Variants in CDH13 observed in about 807,000 individuals in gnomAD.
The protein encoded by CDH13 is cadherin 13.
In CDH13, 24 loss-of-function variants were observed where a neutral mutation model predicts 63.8. That is an observed-to-expected ratio of 0.38 (90% confidence interval 0.27 to 0.53). The LOEUF (loss-of-function observed/expected upper bound fraction) is 0.53. Among genes scored for constraint, CDH13 ranks in the 20% least tolerant of loss-of-function variants. The pLI is 0.85. For missense variants in CDH13, 1,049 were observed against 903.1 expected, an observed-to-expected ratio of 1.16 and a Z score of -2.07; for synonymous variants, 503 against 355.3, an observed-to-expected ratio of 1.42 and a Z score of -4.67.
At chr16:82,728,787 C>G (rs2033240666) in intron 1 of CDH13, among the ~76,000 whole-genome samples, 1 of 152,172 alleles carries the variant, frequency 6.6e-6, no homozygotes, top group South Asian at 2.1e-4. Context: ...TTTTGTATAG[C>G]ATGTGATGCT....
chr16:82,942,497 A>G (rs1482919674), intron 2 of CDH13, among the ~76,000 whole-genome samples: 1 of 152,158 alleles, frequency 6.6e-6, no homozygotes, highest in Non-Finnish European at 1.5e-5. Flanking sequence ...GATTTGACCT[A>G]AGGGAAGAGG....
chr16:82,782,855 A>G (rs1396158173), intron 1 of CDH13, among the ~76,000 whole-genome samples: 3 of 152,066 alleles, frequency 2.0e-5, no homozygotes, highest in African/African-American at 7.2e-5. Context: ...AGTTCTGCGC[A>G]GGGGCCTGGG....
intron 6 of CDH13, among the ~76,000 whole-genome samples, chr16:83,424,050 C>T (rs1228851073): frequency 2.0e-5 from 3 of 151,936 alleles, no homozygotes; most frequent in African/African-American, 7.3e-5. Context: ...CCAACACGTA[C>T]TGAACAGTCT....
intron 2 of CDH13, among the ~76,000 whole-genome samples, chr16:83,014,702 G>C (rs1455665102): frequency 3.0e-5 from 4 of 134,634 alleles, no homozygotes; most frequent in South Asian, 4.6e-4. Flanking sequence ...CTGCACTCCA[G>C]CTTGGGCAAC....
At chr16:83,334,082 T>C (rs1347630827) in intron 5 of CDH13, among the ~76,000 whole-genome samples, 3 of 152,028 alleles carry the variant, frequency 2.0e-5, no homozygotes, top group Non-Finnish European at 4.4e-5. Flanking sequence ...CCACGCACAT[T>C]CCTGGCCTCA....
At position 83,780,018 on chromosome 16, in the gene CDH13, G is replaced by A. The variant is rs763580458; in HGVS notation, c.1732G>A (p.Val578Met). The stretch of plus-strand genomic sequence containing the variant: ...GACTTTGCTGATAACCCTGGAGGAC[G>A]TGAATGACAATGCCCCGTTCATTTA... ...TGTLLITLEDVNDNAPFIYPT... is the reference protein window; with the variant it reads ...TGTLLITLEDMNDNAPFIYPT... Residue 578 changes from valine to methionine, a missense_variant, in exon 12 of 14, where the codon GTG (valine) becomes ATG (methionine). Val to Met is a conservative substitution (Grantham distance 21). Transcript: ENST00000567109. The A allele has an allele frequency of 1.1e-5, 18 of 1,613,818 alleles. No homozygotes were observed. Among genetic ancestry groups the A allele is most frequent in the African/African-American group, 8.0e-5 (6 of 74,924 alleles).
At chr16:83,109,212 G>T (rs2034939716) in intron 3 of CDH13, among the ~76,000 whole-genome samples, 1 of 152,152 alleles carries the variant, frequency 6.6e-6, no homozygotes, top group African/African-American at 2.4e-5. Flanking sequence ...AGGGAATGTG[G>T]TCATAAAGAG....
At chr16:83,715,304 G>A (rs1276762592) in intron 10 of CDH13, among the ~76,000 whole-genome samples, 1 of 152,164 alleles carries the variant, frequency 6.6e-6, no homozygotes, top group African/African-American at 2.4e-5. Context: ...ATCAGGGTTT[G>A]GATAATGCTT....
intron 2 of CDH13, among the ~76,000 whole-genome samples, chr16:82,999,792 C>T (rs180877674): frequency 6.6e-6 from 1 of 152,308 alleles, no homozygotes; most frequent in Admixed American, 6.5e-5. Context: ...ATATCTCTGT[C>T]CTCATCAATA....
chr16:83,634,822 T>G (rs988371071), intron 8 of CDH13, among the ~76,000 whole-genome samples: 3 of 152,362 alleles, frequency 2.0e-5, no homozygotes, highest in Admixed American at 6.5e-5. Context: ...CCAGAGTTCG[T>G]TGAACCATTC....
intron 1 of CDH13, among the ~76,000 whole-genome samples, chr16:82,781,357 G>C (rs2035745306): frequency 1.3e-5 from 2 of 152,084 alleles, no homozygotes; most frequent in South Asian, 4.2e-4. Flanking sequence ...TTCAGGTTTT[G>C]TGAACTTATA....
intron 1 of CDH13, among the ~76,000 whole-genome samples, chr16:82,764,080 C>T (rs1176708954): frequency 6.6e-6 from 1 of 152,178 alleles, no homozygotes; most frequent in Non-Finnish European, 1.5e-5. Context: ...TTTATTACTG[C>T]CCAGACCGTA....
chr16:83,789,358 T>TTTTC (rs1916106460), intron 13 of CDH13, among the ~76,000 whole-genome samples: 1 of 150,438 alleles, frequency 6.6e-6, no homozygotes, highest in Non-Finnish European at 1.5e-5. Flanking sequence ...TTTGTCTGTT[T>TTTTC]TGTTTTAAGA....
Position 83,030,920 on chromosome 16 carries a change from A to G in CDH13, c.158-1090A>G, listed in dbSNP as rs532876667. ...GTTTTAAGTTTGCCTCTATTCACCT[A>G]AAAACATATGGACTATTCCATATGG... On this transcript the variant is annotated intron_variant, in intron 2 of 13. Coordinates refer to ENST00000567109, the MANE Select transcript of CDH13 (RefSeq NM_001257.5). Among the ~76,000 whole-genome samples the G allele has an allele frequency of 2.3e-4, 35 of 151,984 alleles. No individual in the cohort carries two copies. The South Asian group carries it at 6.4e-3, about 28-fold the overall frequency.
intron 2 of CDH13, among the ~76,000 whole-genome samples, chr16:82,888,918 T>A (rs1307904374): frequency 6.6e-6 from 1 of 152,218 alleles, no homozygotes. Context: ...GCTTTCGATT[T>A]GCCCAAGTTT....
chr16:83,607,699 C>T (rs181123310), intron 8 of CDH13, among the ~76,000 whole-genome samples: 6 of 152,152 alleles, frequency 3.9e-5, no homozygotes, highest in African/African-American at 7.2e-5. Flanking sequence ...AGGTTGGAAA[C>T]GCTAGTTTTT....
chr16:83,060,956 C>G (rs1244418301), intron 3 of CDH13, among the ~76,000 whole-genome samples: 1 of 152,166 alleles, frequency 6.6e-6, no homozygotes, highest in Non-Finnish European at 1.5e-5. Flanking sequence ...GGCTCTTCCC[C>G]TCAATGGCTA....
At chr16:83,090,276 C>T (rs892928118) in intron 3 of CDH13, among the ~76,000 whole-genome samples, 2 of 152,106 alleles carry the variant, frequency 1.3e-5, no homozygotes, top group Non-Finnish European at 2.9e-5. Context: ...TATAGAGATG[C>T]CAAGCCATTC....
intron 8 of CDH13, among the ~76,000 whole-genome samples, chr16:83,607,317 G>A (rs1047417647): frequency 6.6e-6 from 1 of 152,020 alleles, no homozygotes; most frequent in African/African-American, 2.4e-5. Flanking sequence ...CTACTTGGGA[G>A]GCTTAGGCAG....
Sources: gnomAD v4.1 joint callset for allele counts (sites outside exome capture counted in the v4.1 genomes callset) on GRCh38, gnomAD v4.1.1 for gene constraint, MANE v1.5 for transcripts, NCBI Gene and HGNC (gene_info 2026-07-23, HGNC 2026-07-21) for gene names.